Variants in NBEA observed in about 807,000 individuals in gnomAD.
The protein encoded by NBEA is neurobeachin, also known as lysosomal-trafficking regulator 2.
In NBEA, 44 loss-of-function variants were observed where a neutral mutation model predicts 343.4. The ratio of observed to expected loss-of-function variants is 0.13; its 90% CI spans 0.10 to 0.16. NBEA has a LOEUF of 0.16. Ranked by LOEUF, NBEA falls within the 10% of genes least tolerant of loss-of-function variation. The pLI, the probability that NBEA is intolerant of heterozygous loss-of-function variation, is 1.00. For missense variants in NBEA, 2,555 were observed against 3,631.3 expected, an observed-to-expected ratio of 0.70 and a Z score of 7.62; for synonymous variants, 1,175 against 1,238.7, an observed-to-expected ratio of 0.95 and a Z score of 1.08.
chr13:35,664,862 G>A (rs61015102), intron 55 of NBEA, among the ~76,000 whole-genome samples: 282 of 152,356 alleles, frequency 1.9e-3, no homozygotes, highest in African/African-American at 6.6e-3. Flanking sequence ...TGTTACATAC[G>A]TTAACTTGTC....
At chr13:35,006,967 A>G (rs1566153457) in intron 1 of NBEA, among the ~76,000 whole-genome samples, 1 of 152,160 alleles carries the variant, frequency 6.6e-6, no homozygotes, top group Non-Finnish European at 1.5e-5. Context: ...GACTTCTGTT[A>G]TTTCAGTTTT....
At chr13:35,535,209 G>A (rs1324121820) in intron 41 of NBEA, among the ~76,000 whole-genome samples, 1 of 152,184 alleles carries the variant, frequency 6.6e-6, no homozygotes, top group African/African-American at 2.4e-5. Flanking sequence ...TAATTTTCCT[G>A]TAATGTAGAA....
intron 48 of NBEA, among the ~76,000 whole-genome samples, chr13:35,625,240 A>T (rs551320181): frequency 4.8e-4 from 73 of 152,366 alleles, no homozygotes; most frequent in African/African-American, 1.7e-3. Context: ...TCCAACAAAG[A>T]ACATGGATAA....
chr13:34,998,209 G>T (rs2061002742), intron 1 of NBEA, among the ~76,000 whole-genome samples: 2 of 152,124 alleles, frequency 1.3e-5, no homozygotes. Flanking sequence ...CAAAAGGGGA[G>T]GGAGTGTACA....
chr13:35,008,719 G>C (rs1203866436), intron 1 of NBEA, among the ~76,000 whole-genome samples: 1 of 152,136 alleles, frequency 6.6e-6, no homozygotes, highest in East Asian at 1.9e-4. Context: ...TGGCAGTCCA[G>C]TAATCTACAG....
chr13:35,274,222 T>G (rs2034412243), intron 34 of NBEA, among the ~76,000 whole-genome samples: 1 of 152,152 alleles, frequency 6.6e-6, no homozygotes, highest in Non-Finnish European at 1.5e-5. Context: ...TGTAAATCAA[T>G]AAACATAATC....
chr13:35,475,196 G>T, intron 41 of NBEA: 1 of 1,614,014 alleles, frequency 6.2e-7, no homozygotes, highest in Non-Finnish European at 8.5e-7. Flanking sequence ...TGGGGACACC[G>T]CCGGCACTGC....
chr13:35,298,211 GTATATATATATATATATA>G (rs72309538), intron 35 of NBEA, among the ~76,000 whole-genome samples: 58 of 103,042 alleles, frequency 5.6e-4, no homozygotes, highest in African/African-American at 2.3e-3. Flanking sequence ...GTGTGTGTGT[GTATATATATATATATATA>G]TATATATATA....
rs984477800 is a variant in NBEA at position 35,164,241 on chromosome 13, A to AT, written c.4080-111dup. On this transcript the variant is annotated intron_variant, in intron 23 of 58. Coordinates refer to ENST00000379939, the MANE Select transcript of NBEA (RefSeq NM_001385012.1). ...ATAAATTGCTTTATTTTATAATTTAATTTTAAATATAGCTAGCTCCTACAG... is the reference window on the plus strand; with the variant it reads ...ATAAATTGCTTTATTTTATAATTTAATTTTTAAATATAGCTAGCTCCTACAG... 1.4e-4 allele frequency: 121 copies of AT among 881,944 alleles called. No homozygotes were observed. The African/African-American group carries it at 1.8e-3, about 13-fold the overall frequency. The allele number at this position is 881,944 out of a possible 1,614,324, so 54.6% of individuals were successfully genotyped here.
chr13:35,002,670 C>G (rs2061181779), intron 1 of NBEA, among the ~76,000 whole-genome samples: 1 of 152,152 alleles, frequency 6.6e-6, no homozygotes, highest in Non-Finnish European at 1.5e-5. Flanking sequence ...TAACTAGGCT[C>G]AAACACATAC....
At chr13:35,115,471 C>A (rs1478220978) in intron 13 of NBEA, among the ~76,000 whole-genome samples, 2 of 151,960 alleles carry the variant, frequency 1.3e-5, no homozygotes, top group African/African-American at 4.8e-5. Context: ...TAACTCCGTC[C>A]CAAATTTTAC....
chr13:35,290,820 ATGAAAAG>A (rs2035758721), intron 35 of NBEA, among the ~76,000 whole-genome samples: 1 of 151,430 alleles, frequency 6.6e-6, no homozygotes, highest in South Asian at 2.1e-4. Context: ...ATTTGAGATA[ATGAAAAG>A]TAAGTTTTTA....
intron 35 of NBEA, among the ~76,000 whole-genome samples, chr13:35,302,736 T>C (rs1406641202): frequency 6.6e-6 from 1 of 152,244 alleles, no homozygotes; most frequent in African/African-American, 2.4e-5. Context: ...GCTAAACTTC[T>C]AGAATTAAAG....
intron 49 of NBEA, among the ~76,000 whole-genome samples, chr13:35,634,131 T>C (rs1593426298): frequency 6.6e-6 from 1 of 152,096 alleles, no homozygotes; most frequent in South Asian, 2.1e-4. Context: ...GATCACGAGG[T>C]CAGGAGATTG....
At chr13:35,411,255 C>T (rs2043564828) in intron 38 of NBEA, among the ~76,000 whole-genome samples, 1 of 152,164 alleles carries the variant, frequency 6.6e-6, no homozygotes, top group Non-Finnish European at 1.5e-5. Context: ...TTGATTTTGG[C>T]ACCCATCCAG....
At chr13:35,349,472 G>C (rs1410077839) in intron 37 of NBEA, among the ~76,000 whole-genome samples, 2 of 151,910 alleles carry the variant, frequency 1.3e-5, no homozygotes, top group African/African-American at 4.8e-5. Context: ...ACCTACTCAA[G>C]AGTAAATGCA....
At chr13:35,215,377 C>G (rs943015084) in intron 33 of NBEA, among the ~76,000 whole-genome samples, 3 of 150,852 alleles carry the variant, frequency 2.0e-5, no homozygotes, top group Admixed American at 6.6e-5. Flanking sequence ...TTATGTTTTT[C>G]TAAATTTTCA....
At chr13:35,144,268 G>GGTTAT (rs2068276190) in intron 18 of NBEA, among the ~76,000 whole-genome samples, 2 of 152,060 alleles carry the variant, frequency 1.3e-5, no homozygotes. Context: ...AGGGATGGAT[G>GGTTAT]GAATATTCAT....
chr13:35,219,137 T>C (rs2074226454), intron 33 of NBEA, among the ~76,000 whole-genome samples: 1 of 152,134 alleles, frequency 6.6e-6, no homozygotes, highest in Non-Finnish European at 1.5e-5. Context: ...GTAATGTCCC[T>C]TCTTTTTAAT....
Sources: gnomAD v4.1 joint callset for allele counts (sites outside exome capture counted in the v4.1 genomes callset) on GRCh38, gnomAD v4.1.1 for gene constraint, MANE v1.5 for transcripts, NCBI Gene and HGNC (gene_info 2026-07-23, HGNC 2026-07-21) for gene names.